Variants in ABLIM3 observed in about 807,000 individuals in gnomAD.
ABLIM3 encodes the protein actin-binding LIM protein 3.
A neutral mutation model predicts 109.5 loss-of-function variants in ABLIM3; 61 were observed. That is an observed-to-expected ratio of 0.56 (90% CI 0.45 to 0.69). The LOEUF (loss-of-function observed/expected upper bound fraction) is 0.69, where lower values mean the gene tolerates loss of function less well. ABLIM3 is among the 30% of genes least tolerant of loss of function. The probability of loss-of-function intolerance (pLI) is 0.00; values close to 1 mark genes in which losing one functional copy is unlikely to be tolerated. For synonymous variants in ABLIM3, 300 were observed against 324.8 expected (o/e 0.92, Z 0.82); for missense variants, 796 against 889.5 (o/e 0.89, Z 1.34).
chr5:149,206,954 C>G, intron 5 of ABLIM3, 54 bp from the exon 6 acceptor site: 1 of 1,578,816 alleles, frequency 6.3e-7, no homozygotes, highest in East Asian at 2.3e-5. Flanking sequence ...CCTGAGATAG[C>G]GGGGGTTAAA....
At chr5:149,202,093 T>C (rs1251941553) in intron 5 of ABLIM3, among the ~76,000 whole-genome samples, 1 of 152,232 alleles carries the variant, frequency 6.6e-6, no homozygotes, top group African/African-American at 2.4e-5. Flanking sequence ...CAAAAGAGGT[T>C]GAGAATGAGA....
chr5:149,155,450 T>C (rs1249722404), intron 2 of ABLIM3, among the ~76,000 whole-genome samples: 2 of 152,152 alleles, frequency 1.3e-5, no homozygotes, highest in Non-Finnish European at 2.9e-5. Context: ...ATGACTGTGA[T>C]GTGAGATAAA....
intron 16 of ABLIM3, among the ~76,000 whole-genome samples, chr5:149,245,582 G>C (rs1284064193): frequency 6.6e-6 from 1 of 152,190 alleles, no homozygotes; most frequent in Non-Finnish European, 1.5e-5. Context: ...TGAGTGGCAT[G>C]ATCACATTGA....
At chr5:149,231,457 CGG>C (rs1761852273) in intron 9 of ABLIM3, among the ~76,000 whole-genome samples, 1 of 152,122 alleles carries the variant, frequency 6.6e-6, no homozygotes. Context: ...TCCTGGCCCC[CGG>C]ATATCAAGTT....
intron 23 of ABLIM3, 100 bp downstream of exon 23, chr5:149,252,937 T>C (rs574769270): frequency 1.0e-5 from 9 of 875,490 alleles, no homozygotes; most frequent in Non-Finnish European, 1.7e-5. Flanking sequence ...ATGAGTGGCT[T>C]TAAGATCACA....
intron 2 of ABLIM3, among the ~76,000 whole-genome samples, chr5:149,152,111 G>A (rs1262418914): frequency 6.6e-6 from 1 of 152,176 alleles, no homozygotes; most frequent in Non-Finnish European, 1.5e-5. Context: ...ACAAAATGAA[G>A]TCGGAGGATT....
chr5:149,156,529 G>A (rs989932944), intron 2 of ABLIM3, among the ~76,000 whole-genome samples: 9 of 152,254 alleles, frequency 5.9e-5, no homozygotes, highest in African/African-American at 2.2e-4. Context: ...TTGTTATGAT[G>A]TAGTCACCAC....
At chr5:149,160,001 C>T (rs1385200797) in intron 2 of ABLIM3, among the ~76,000 whole-genome samples, 1 of 152,080 alleles carries the variant, frequency 6.6e-6, no homozygotes, top group Non-Finnish European at 1.5e-5. Context: ...CTGTCCCCAC[C>T]CCTTATTTAT....
chr5:149,213,810 T>C (rs965426782), intron 7 of ABLIM3, among the ~76,000 whole-genome samples: 35 of 136,478 alleles, frequency 2.6e-4, no homozygotes, highest in Admixed American at 2.3e-3. Flanking sequence ...CTTCGACTTA[T>C]TGATTTTTTT....
chr5:149,254,337 G>A (rs1754239123), intron 23 of ABLIM3, among the ~76,000 whole-genome samples: 2 of 152,066 alleles, frequency 1.3e-5, no homozygotes, highest in Non-Finnish European at 2.9e-5. Context: ...AGTACATCAA[G>A]CACCTTTCAC....
At chr5:149,222,415 G>T (rs1760742834) in intron 8 of ABLIM3, among the ~76,000 whole-genome samples, 1 of 152,072 alleles carries the variant, frequency 6.6e-6, no homozygotes, top group African/African-American at 2.4e-5. Flanking sequence ...ACTGGTTCAT[G>T]GTCAGCCTTT....
intron 2 of ABLIM3, among the ~76,000 whole-genome samples, chr5:149,155,143 G>C (rs1753769445): frequency 6.6e-6 from 1 of 152,180 alleles, no homozygotes; most frequent in Non-Finnish European, 1.5e-5. Flanking sequence ...TGTTTAAACT[G>C]TGTTGGTCTG....
At chr5:149,206,081 C>T (rs527839806) in intron 5 of ABLIM3, among the ~76,000 whole-genome samples, 27 of 152,356 alleles carry the variant, frequency 1.8e-4, no homozygotes, top group Non-Finnish European at 3.4e-4. Context: ...CCCTTTCCTC[C>T]GCCAAAGTGG....
Position 149,198,203 on chromosome 5 carries a change from C to T in ABLIM3, c.152-16C>T. On this transcript the variant is annotated splice_polypyrimidine_tract_variant and intron_variant, in intron 3 of 23. Coordinates refer to ENST00000309868, the MANE Select transcript of ABLIM3 (RefSeq NM_014945.5). This position sits in a 1 kb window ranked among gnomAD's most constrained non-coding sequence, Gnocchi z 4.2. Reference sequence around the variant, plus strand: ...CTGGACTCAACCTGCCCTTGTTTTCCTCCTTGTTCCCCAAGTATGTGGCTG... The same window carrying T: ...CTGGACTCAACCTGCCCTTGTTTTCTTCCTTGTTCCCCAAGTATGTGGCTG... 1 of 1,602,262 alleles carries T rather than the reference C, an allele frequency of 6.2e-7. No homozygotes were observed. The highest frequency in any genetic ancestry group is 8.5e-7 in the Non-Finnish European group (1 of 1,174,056).
chr5:149,155,366 A>G (rs1259092534), intron 2 of ABLIM3, among the ~76,000 whole-genome samples: 1 of 152,188 alleles, frequency 6.6e-6, no homozygotes, highest in South Asian at 2.1e-4. Context: ...CATGAAATCA[A>G]TGATGCACAG....
At chr5:149,225,238 A>G (rs899494855) in intron 8 of ABLIM3, among the ~76,000 whole-genome samples, 3 of 148,642 alleles carry the variant, frequency 2.0e-5, no homozygotes, top group African/African-American at 4.9e-5. Context: ...TACAACCCCC[A>G]CCTCTATCTA....
intron 9 of ABLIM3, 147 bp downstream of exon 9, chr5:149,230,854 G>A (rs1761785755): frequency 2.3e-6 from 2 of 886,184 alleles, no homozygotes; most frequent in Non-Finnish European, 3.6e-6. Context: ...TTTCCTAACG[G>A]TAACACCTGC....
chr5:149,143,366 A>AAT (rs1752658108), intron 2 of ABLIM3, among the ~76,000 whole-genome samples: 1 of 151,694 alleles, frequency 6.6e-6, no homozygotes, highest in Non-Finnish European at 1.5e-5. Flanking sequence ...CTGTCTCAAA[A>AAT]AATAATAATA....
At chr5:149,219,945 C>T (rs1014118419) in intron 8 of ABLIM3, 4 of 151,240 alleles carry the variant, frequency 2.6e-5, no homozygotes, top group Non-Finnish European at 5.9e-5. Context: ...TGGGTGCTTT[C>T]ACCCAGAGTG....
Sources: allele counts gnomAD v4.1 joint callset (sites outside exome capture counted in the v4.1 genomes callset), GRCh38; gene constraint gnomAD v4.1.1; non-coding constraint Gnocchi (gnomAD v3.1); transcripts MANE v1.5; gene names NCBI Gene and HGNC (gene_info 2026-07-23, HGNC 2026-07-21).